The following NEK1 variants were observed in gnomAD, a reference collection of about 807,000 sequenced individuals.
NEK1 encodes NIMA related kinase 1, also known as serine/threonine-protein kinase Nek1.
In NEK1, 137 loss-of-function variants were observed where a neutral mutation model predicts 182.1. The observed-to-expected ratio is 0.75, with a 90% CI of 0.65 to 0.87. NEK1 has a LOEUF of 0.87. Ranked by LOEUF, NEK1 falls within the 40% of genes least tolerant of loss-of-function variation. The pLI is 0.00. For missense variants in NEK1, 1,391 were observed against 1,494.4 expected (o/e 0.93, Z 1.14); for synonymous variants, 513 against 492.2 (o/e 1.04, Z -0.56).
chr4:169,555,313 A>G (rs1762007925), intron 18 of NEK1: 2 of 201,560 alleles, frequency 9.9e-6, no homozygotes, highest in South Asian at 8.4e-5. Flanking sequence ...TGCTAAGACA[A>G]CAAAGAGAAA....
chr4:169,527,940 C>G (rs1300647150), intron 19 of NEK1, among the ~76,000 whole-genome samples: 1 of 152,004 alleles, frequency 6.6e-6, no homozygotes, highest in African/African-American at 2.4e-5. Flanking sequence ...CTATAAAAAA[C>G]TCACCTCAAA....
intron 12 of NEK1, among the ~76,000 whole-genome samples, chr4:169,573,100 A>C (rs948853278): frequency 2.0e-5 from 3 of 152,242 alleles, no homozygotes; most frequent in Non-Finnish European, 4.4e-5. Flanking sequence ...AGAGAGCGCA[A>C]AGTCCTTTAG....
At chr4:169,414,475 T>A (rs1036768445) in intron 31 of NEK1, among the ~76,000 whole-genome samples, 1 of 152,220 alleles carries the variant, frequency 6.6e-6, no homozygotes, top group South Asian at 2.1e-4. Context: ...TGTTCATAAT[T>A]GTAATTCATC....
chr4:169,452,306 T>A (rs949285958), intron 27 of NEK1, among the ~76,000 whole-genome samples: 3 of 152,188 alleles, frequency 2.0e-5, no homozygotes, highest in African/African-American at 7.2e-5. Context: ...GAATCCTCCC[T>A]AACGCATTTT....
chr4:169,592,698 T>A (rs1216234319), intron 5 of NEK1, among the ~76,000 whole-genome samples: 1 of 146,920 alleles, frequency 6.8e-6, no homozygotes, highest in African/African-American at 2.5e-5. Context: ...CAATTTTCTT[T>A]AAAAAAAAAA....
At chr4:169,598,017 T>C (rs1769856185) in intron 5 of NEK1, among the ~76,000 whole-genome samples, 1 of 152,126 alleles carries the variant, frequency 6.6e-6, no homozygotes, top group South Asian at 2.1e-4. Context: ...TATATGTACA[T>C]GTGTTAAGTA....
At chr4:169,538,286 C>T (rs1404525764) in intron 18 of NEK1, among the ~76,000 whole-genome samples, 4 of 151,680 alleles carry the variant, frequency 2.6e-5, no homozygotes, top group Non-Finnish European at 5.9e-5. Context: ...ATCTTAGCAG[C>T]GAAGTCAAAT....
chr4:169,522,734 G>A (rs1354875291), intron 19 of NEK1, among the ~76,000 whole-genome samples: 4 of 152,204 alleles, frequency 2.6e-5, no homozygotes, highest in African/African-American at 9.6e-5. Flanking sequence ...GTGGGGCAGG[G>A]ATAGCCTGAG....
intron 31 of NEK1, among the ~76,000 whole-genome samples, chr4:169,417,948 C>G (rs907490824): frequency 1.3e-5 from 2 of 152,010 alleles, no homozygotes; most frequent in African/African-American, 4.8e-5. Context: ...AAGAGAGATT[C>G]ATTAAAATAA....
chr4:169,555,624 A>G (rs771273068), intron 18 of NEK1, 96 bp downstream of exon 18: 365 of 1,510,198 alleles, frequency 2.4e-4, no homozygotes, highest in Non-Finnish European at 3.1e-4. Flanking sequence ...TATGTGAACA[A>G]TGGAGAAAAC....
chr4:169,489,081 C>A (rs963064952), intron 23 of NEK1, among the ~76,000 whole-genome samples: 9 of 152,102 alleles, frequency 5.9e-5, no homozygotes, highest in Non-Finnish European at 1.0e-4. Flanking sequence ...TCCCACTATA[C>A]CAGTGTGCAT....
At chr4:169,547,121 C>A (rs1009962892) in intron 18 of NEK1, among the ~76,000 whole-genome samples, 1 of 152,168 alleles carries the variant, frequency 6.6e-6, no homozygotes, top group Non-Finnish European at 1.5e-5. Flanking sequence ...CCAGTTGTTC[C>A]TTTCCATGTT....
rs1015765797 is a variant in NEK1, at chr4:169,585,377, T to C, written c.779A>G (p.Lys260Arg). 3.1e-6 allele frequency: 5 copies of C among 1,613,458 alleles called. No homozygotes were observed. In the African/African-American group the frequency reaches 6.7e-5, roughly 22 times the overall value. The change falls in exon 10 of 36, where the codon AAA becomes AGA. Residue 260 changes from lysine (K) to arginine (R), a missense_variant. Around this residue, in one of 5 missense-constraint regions of NEK1, gnomAD observed 1,216 missense variants for 1,277.6 expected, o/e 0.95. Transcript: ENST00000507142. ...AGGAGAGAGAAACTTTTCAATGCGT[T>C]TGGCTATAAAACCTTTCTCCAATAT... ...NSILEKGFIA[K>R]RIEKFLSPQL...
chr4:169,490,000 C>CT (rs58830010), intron 23 of NEK1, among the ~76,000 whole-genome samples: 6,567 of 152,160 alleles, frequency 0.043, 501 homozygotes, highest in African/African-American at 0.15. Context: ...TGCTTGTGAG[C>CT]TCTGCCAAAT....
chr4:169,577,599 CA>C (rs2150037006), intron 11 of NEK1, among the ~76,000 whole-genome samples: 2 of 151,886 alleles, frequency 1.3e-5, no homozygotes, highest in South Asian at 4.2e-4. Context: ...ACTAAAAATA[CA>C]AAAAATTAGC....
intron 2 of NEK1, among the ~76,000 whole-genome samples, chr4:169,604,521 A>T (rs1353231156): frequency 1.3e-5 from 2 of 152,204 alleles, no homozygotes; most frequent in African/African-American, 4.8e-5. Context: ...CCAATGTGTG[A>T]TTCCTTTCTA....
At chr4:169,571,192 AAATAAATAAAT>A (rs1764780380) in intron 12 of NEK1, among the ~76,000 whole-genome samples, 2 of 116,346 alleles carry the variant, frequency 1.7e-5, no homozygotes, top group African/African-American at 7.4e-5. Context: ...ATAAATAAAT[AAATAAATAAAT>A]AAATAAATAA....
intron 11 of NEK1, among the ~76,000 whole-genome samples, chr4:169,578,448 C>A (rs1451559607): frequency 1.3e-5 from 2 of 152,072 alleles, no homozygotes; most frequent in Admixed American, 6.6e-5. Flanking sequence ...AGTGTTCTTA[C>A]TTTTTAGGAG....
chr4:169,429,408 G>T (rs189913211), intron 29 of NEK1, among the ~76,000 whole-genome samples: 2 of 152,060 alleles, frequency 1.3e-5, no homozygotes, highest in African/African-American at 4.8e-5. Context: ...CATTTAAAAC[G>T]TTAAAAAAAC....
Sources: gnomAD v4.1 joint callset for allele counts (sites outside exome capture counted in the v4.1 genomes callset) on GRCh38, gnomAD v4.1.1 for gene constraint, gnomAD v4.1.1 regional missense constraint, MANE v1.5 for transcripts, NCBI Gene and HGNC (gene_info 2026-07-23, HGNC 2026-07-21) for gene names.